Variants in VAV1 observed in about 807,000 individuals in gnomAD.
The protein encoded by VAV1 is vav guanine nucleotide exchange factor 1.
In VAV1, 33 loss-of-function variants were observed where a neutral mutation model predicts 128.1. That is an observed-to-expected ratio of 0.26 (90% CI 0.20 to 0.34). The LOEUF is 0.34. Among genes scored for constraint, VAV1 ranks in the 10% least tolerant of loss-of-function variants. VAV1 has a pLI of 1.00. For synonymous variants in VAV1, 394 were observed against 409.8 expected (o/e 0.96, Z 0.47); for missense variants, 715 against 1,093.7 (o/e 0.65, Z 4.88).
chr19:6,775,738 G>A (rs536948010), intron 1 of VAV1, among the ~76,000 whole-genome samples: 6 of 152,310 alleles, frequency 3.9e-5, no homozygotes, highest in South Asian at 4.1e-4. Flanking sequence ...GAAGCCAGAG[G>A]AAGCTGCCAC....
chr19:6,822,535 G>A lies in VAV1; in HGVS notation c.654+21G>A, dbSNP rs936905771. ...AGCAGGTGGGCGCCTCCCACCCAGC[G>A]CCTGCCGGGCGCATGCGCGGGAGCT... On this transcript the variant is annotated intron_variant, in intron 6 of 26. Transcript: ENST00000602142. The surrounding 1 kb of genome is among the most constrained non-coding windows in gnomAD (Gnocchi z 5.9). The A allele has an allele frequency of 1.9e-6, 3 of 1,541,710 alleles. No individual in the cohort carries two copies. The highest frequency in any genetic ancestry group is 2.6e-6 in the Non-Finnish European group (3 of 1,145,670).
Position 6,828,530 on chromosome 19 carries a change from C to A in VAV1, c.1092+43C>A. The A allele has an allele frequency of 1.2e-6, 2 of 1,613,878 alleles. No individual in the cohort carries two copies. Among genetic ancestry groups the A allele is most frequent in the Non-Finnish European group, 1.7e-6 (2 of 1,179,838 alleles). ...GCTGGTGACTCACCTGCTGCAGACACCCTCCTGGTAGGGGCTGATCCTCTA... is the reference window on the plus strand; with the variant it reads ...GCTGGTGACTCACCTGCTGCAGACAACCTCCTGGTAGGGGCTGATCCTCTA... On this transcript the variant is annotated intron_variant, in intron 11 of 26. Coordinates refer to ENST00000602142, the MANE Select transcript of VAV1 (RefSeq NM_005428.4). This position sits in a 1 kb window ranked among gnomAD's most constrained non-coding sequence, Gnocchi z 4.5.
In VAV1 at chr19:6,832,095, G is replaced by A; in HGVS notation, c.1403G>A (p.Ser468Asn). The A allele has an allele frequency of 6.8e-6, 11 of 1,614,072 alleles. No individual in the cohort carries two copies. The highest frequency in any genetic ancestry group is 9.3e-6 in the Non-Finnish European group (11 of 1,179,986). ...SSGDRDNKKW[S>N]HMFLLIEDQG... ...CTGAGCTCTGCTTCCCTGCAGTGGA[G>A]CCACATGTTCCTCCTGATCGAGGAC... Residue 468 changes from serine to asparagine, a missense_variant, in exon 15 of 27, where the codon AGC becomes AAC. This residue lies in a region of VAV1 where 407 missense variants were observed against 580.6 expected (regional missense o/e 0.70). Coordinates refer to ENST00000602142, the MANE Select transcript of VAV1 (RefSeq NM_005428.4).
rs1295706405 is a variant in VAV1 at position 6,777,253 on chromosome 19, CCA to C, written c.204+4243_204+4244del. On this transcript the variant is annotated intron_variant, in intron 1 of 26. Transcript: ENST00000602142. The surrounding 1 kb of genome is among the most constrained non-coding windows in gnomAD (Gnocchi z 4.4). Reference sequence around the variant, plus strand: ...TTTAACTATCCATCCATCCATCCATCCATCCATCCATCCATCCATCCATCCAT... The same window carrying C: ...TTTAACTATCCATCCATCCATCCATCTCCATCCATCCATCCATCCATCCAT... 6.6e-6 allele frequency among the ~76,000 whole-genome samples: 1 copy of C among 151,362 alleles called. No individual in the cohort carries two copies. The highest frequency in any genetic ancestry group is 1.5e-5 in the Non-Finnish European group (1 of 67,746).
In VAV1 at chr19:6,822,361, G is replaced by A. The variant is rs1301695555; in HGVS notation, c.558+32G>A. ...GACGTGGAGGGTCGGGCCTGGGGAGGGCGTGGGCGGGGGGCAGCCCCAGGC... is the reference window on the plus strand; with the variant it reads ...GACGTGGAGGGTCGGGCCTGGGGAGAGCGTGGGCGGGGGGCAGCCCCAGGC... On this transcript the variant is annotated intron_variant, in intron 5 of 26. Coordinates refer to ENST00000602142, the MANE Select transcript of VAV1 (RefSeq NM_005428.4). The surrounding 1 kb of genome is among the most constrained non-coding windows in gnomAD (Gnocchi z 5.9). The A allele has an allele frequency of 1.9e-6, 3 of 1,555,706 alleles. No individual in the cohort carries two copies. The highest frequency in any genetic ancestry group is 2.6e-6 in the Non-Finnish European group (3 of 1,150,462).
intron 1 of VAV1, among the ~76,000 whole-genome samples, chr19:6,793,184 A>T (rs1261631247): frequency 1.3e-5 from 2 of 152,108 alleles, no homozygotes; most frequent in African/African-American, 2.4e-5. Flanking sequence ...AATACAAAAA[A>T]TTAGCCAGGC....
intron 1 of VAV1, among the ~76,000 whole-genome samples, chr19:6,778,040 G>A (rs1325575444): frequency 2.0e-5 from 3 of 152,036 alleles, no homozygotes; most frequent in Admixed American, 6.6e-5. Flanking sequence ...GGGTTCAAGC[G>A]ATTCTCCTGT....
At chr19:6,847,196 G>A (rs985167759) in intron 22 of VAV1, among the ~76,000 whole-genome samples, 13 of 152,186 alleles carry the variant, frequency 8.5e-5, no homozygotes, top group African/African-American at 3.1e-4. Context: ...ACAGGCGTGA[G>A]CCACAGCGCC....
intron 1 of VAV1, among the ~76,000 whole-genome samples, chr19:6,790,658 T>C (rs564029837): frequency 6.6e-6 from 1 of 152,300 alleles, no homozygotes; most frequent in Non-Finnish European, 1.5e-5. Context: ...GAAGCAACCA[T>C]GCAGAGCAGC....
At chr19:6,833,990 A>G in intron 19 of VAV1, 37 bp downstream of exon 19, 1 of 1,613,568 alleles carries the variant, frequency 6.2e-7, no homozygotes, top group Non-Finnish European at 8.5e-7. Context: ...GGGCAGGAGG[A>G]AAATTCATCT....
chr19:6,855,588 C>T (rs1462621469), intron 26 of VAV1, among the ~76,000 whole-genome samples: 2 of 152,078 alleles, frequency 1.3e-5, no homozygotes, highest in African/African-American at 2.4e-5. Context: ...TTAATCTATC[C>T]ATTAATCCAC....
chr19:6,851,999 C>G (rs541818259), intron 24 of VAV1, among the ~76,000 whole-genome samples: 3 of 151,838 alleles, frequency 2.0e-5, no homozygotes, highest in Non-Finnish European at 4.4e-5. Context: ...ATCTATGAAC[C>G]TTTCATATAG....
intron 22 of VAV1, among the ~76,000 whole-genome samples, chr19:6,843,507 A>G (rs1972432459): frequency 6.6e-6 from 1 of 152,108 alleles, no homozygotes; most frequent in Non-Finnish European, 1.5e-5. Flanking sequence ...TTTTGCACCT[A>G]TAGCATGTCA....
intron 6 of VAV1, 81 bp from the exon 7 acceptor site, chr19:6,824,972 T>G: frequency 7.0e-7 from 1 of 1,427,858 alleles, no homozygotes; most frequent in Non-Finnish European, 9.9e-7. Context: ...TCCCTCTCTC[T>G]GTCTCCTTCC....
intron 19 of VAV1, 149 bp downstream of exon 19, chr19:6,834,102 C>A: frequency 8.4e-7 from 1 of 1,183,596 alleles, no homozygotes; most frequent in Non-Finnish European, 1.2e-6. Context: ...TTTGGGAGGC[C>A]AAGGCGGGAG....
chr19:6,773,324 C>T (rs757684581), intron 1 of VAV1, among the ~76,000 whole-genome samples: 2 of 152,116 alleles, frequency 1.3e-5, no homozygotes, highest in Non-Finnish European at 2.9e-5. Flanking sequence ...CAGATGGGAC[C>T]AACCAGAGGT....
At chr19:6,815,929 C>A (rs1396476241) in intron 1 of VAV1, among the ~76,000 whole-genome samples, 1 of 152,104 alleles carries the variant, frequency 6.6e-6, no homozygotes, top group Non-Finnish European at 1.5e-5. Flanking sequence ...TGGCTCCCAC[C>A]CGTAATACCA....
chr19:6,833,214 C>T lies in VAV1; in HGVS notation c.1539C>T (p.Ala513=), dbSNP rs774793189. The T allele has an allele frequency of 3.1e-6, 5 of 1,613,240 alleles. No homozygotes were observed. Among genetic ancestry groups the T allele is most frequent in the Non-Finnish European group, 4.2e-6 (5 of 1,179,774 alleles). ...ISNIYPENAT[A]NGHDFQMFSF... is the part of the protein sequence containing the mutation. Reference sequence around the variant, plus strand: ...ACATCTATCCGGAGAATGCCACCGCCAACGGGCATGACTTCCAGATGTTCT... The same window carrying T: ...ACATCTATCCGGAGAATGCCACCGCTAACGGGCATGACTTCCAGATGTTCT... The change falls in exon 16 of 27, where the codon GCC becomes GCT. Residue 513 remains alanine, a synonymous_variant. Coordinates refer to ENST00000602142, the MANE Select transcript of VAV1 (RefSeq NM_005428.4).
intron 21 of VAV1, among the ~76,000 whole-genome samples, chr19:6,840,521 G>A (rs776898822): frequency 6.0e-5 from 9 of 151,212 alleles, no homozygotes; most frequent in Non-Finnish European, 1.3e-4. Context: ...GGATGGTCTC[G>A]ATCTCCTGAC....
Sources: gnomAD v4.1 joint callset for allele counts (sites outside exome capture counted in the v4.1 genomes callset) on GRCh38, gnomAD v4.1.1 for gene constraint, gnomAD v4.1.1 regional missense constraint, Gnocchi (gnomAD v3.1) non-coding constraint, MANE v1.5 for transcripts, NCBI Gene and HGNC (gene_info 2026-07-23, HGNC 2026-07-21) for gene names.